Variants in SPAG9 observed in about 807,000 individuals in gnomAD.
SPAG9 encodes the protein C-Jun-amino-terminal kinase-interacting protein 4.
SPAG9 carries 35 observed loss-of-function variants against 166.5 expected under a neutral mutation model. The observed-to-expected ratio is 0.21, with a 90% CI of 0.16 to 0.28. SPAG9 has a LOEUF of 0.28. Ranked by LOEUF, SPAG9 falls within the 10% of genes least tolerant of loss-of-function variation. The pLI is 1.00. For missense variants in SPAG9, 1,235 were observed against 1,603.3 expected (o/e 0.77, Z 3.92); for synonymous variants, 534 against 565.5 (o/e 0.94, Z 0.79).
intron 4 of SPAG9, among the ~76,000 whole-genome samples, chr17:51,045,943 T>C (rs1181895823): frequency 6.6e-6 from 1 of 152,232 alleles, no homozygotes; most frequent in Non-Finnish European, 1.5e-5. Context: ...GAAAAAGGCA[T>C]TCCTTAACCT....
intron 6 of SPAG9, 99 bp downstream of exon 6, chr17:51,031,582 C>G: frequency 1.2e-6 from 1 of 861,936 alleles, no homozygotes; most frequent in Non-Finnish European, 1.9e-6. Context: ...GTCTTCCAAG[C>G]TGAGCATCTG....
At chr17:51,013,974 C>T (rs1268858610) in intron 9 of SPAG9, among the ~76,000 whole-genome samples, 1 of 152,008 alleles carries the variant, frequency 6.6e-6, no homozygotes, top group Non-Finnish European at 1.5e-5. Context: ...TGAAATATAG[C>T]AGGAGTTCAA....
At chr17:51,101,174 C>T (rs1181653919) in intron 1 of SPAG9, among the ~76,000 whole-genome samples, 1 of 151,408 alleles carries the variant, frequency 6.6e-6, no homozygotes, top group African/African-American at 2.4e-5. Context: ...GGTGAAACAC[C>T]GTCTCTACTA....
At chr17:50,990,137 C>T in intron 20 of SPAG9, 1 of 527,672 alleles carries the variant, frequency 1.9e-6, no homozygotes, top group East Asian at 3.5e-5. Context: ...ACGCCATTCT[C>T]CTGCCTCAGC....
intron 16 of SPAG9, 104 bp from the exon 17 acceptor site, chr17:50,995,637 TA>T: frequency 1.4e-6 from 1 of 733,438 alleles, no homozygotes; most frequent in Non-Finnish European, 2.4e-6. Flanking sequence ...TGCTGTTATT[TA>T]CTCCTTGAAA....
rs1332824228 is a variant in SPAG9 at position 51,092,735 on chromosome 17, G to A, written c.304-13031C>T. On this transcript the variant is annotated intron_variant, in intron 1 of 29. Coordinates refer to ENST00000262013, the MANE Select transcript of SPAG9 (RefSeq NM_001130528.3). ...TTGAGAACAGCCTGGGGAACATAGA[G>A]AGACCCTTGTCTCTACAAAAAAAAA... is the stretch of plus-strand genomic sequence containing the variant. 3.6e-5 allele frequency among the ~76,000 whole-genome samples: 5 copies of A among 139,340 alleles called. No individual in the cohort carries two copies. The Admixed American group carries it at 3.8e-4, about 10-fold the overall frequency. 91.4% of individuals were successfully genotyped at this position (139,340 alleles called of 152,430 possible). A position where few individuals can be genotyped will look rare whatever the true frequency, so the allele number is the denominator to read the frequency against.
intron 29 of SPAG9, among the ~76,000 whole-genome samples, chr17:50,968,105 G>A (rs771762703): frequency 2.6e-5 from 4 of 152,124 alleles, no homozygotes; most frequent in Non-Finnish European, 4.4e-5. Flanking sequence ...TCATAAAAGG[G>A]AATTCAACAA....
intron 2 of SPAG9, among the ~76,000 whole-genome samples, chr17:51,073,974 C>T (rs572576217): frequency 3.6e-4 from 55 of 152,254 alleles, no homozygotes; most frequent in South Asian, 1.2e-3. Flanking sequence ...TGGTGGCTCA[C>T]GCCTGTAATC....
At chr17:51,114,377 A>T (rs1451453968) in intron 1 of SPAG9, among the ~76,000 whole-genome samples, 5 of 152,092 alleles carry the variant, frequency 3.3e-5, no homozygotes, top group Non-Finnish European at 5.9e-5. Context: ...CATGCCTGTA[A>T]TCCCAACACT....
intron 1 of SPAG9, among the ~76,000 whole-genome samples, chr17:51,089,620 T>A (rs60878676): frequency 8.2e-4 from 33 of 40,470 alleles, no homozygotes; most frequent in Non-Finnish European, 1.0e-3. Flanking sequence ...ACACTTTATT[T>A]TATATATATA....
At chr17:51,044,906 T>G (rs1253772229) in intron 4 of SPAG9, among the ~76,000 whole-genome samples, 1 of 152,210 alleles carries the variant, frequency 6.6e-6, no homozygotes, top group African/African-American at 2.4e-5. Flanking sequence ...GGTAAAGAAC[T>G]TTAAAATTTT....
At chr17:51,113,886 T>A (rs1325163833) in intron 1 of SPAG9, among the ~76,000 whole-genome samples, 1 of 151,796 alleles carries the variant, frequency 6.6e-6, no homozygotes, top group African/African-American at 2.4e-5. Context: ...TCCCAGCTAT[T>A]CCGGAAGTTG....
chr17:51,119,899 C>G (rs2049421569), intron 1 of SPAG9, among the ~76,000 whole-genome samples: 1 of 152,152 alleles, frequency 6.6e-6, no homozygotes, highest in African/African-American at 2.4e-5. Flanking sequence ...TCTAACTTCC[C>G]AAAGCAAGGC....
rs1239494388 is a variant in SPAG9, at chr17:51,077,088, AGC to A, written c.424+2494_424+2495del. Among the ~76,000 whole-genome samples, 6 of 104,432 alleles carry A rather than the reference AGC, an allele frequency of 5.7e-5. No homozygotes were observed. In the East Asian group the frequency reaches 7.1e-4, roughly 12 times the overall value. The allele number at this position is 104,432 out of a possible 152,430, so 68.5% of individuals were successfully genotyped here. A position where few individuals can be genotyped will look rare whatever the true frequency, so the allele number is the denominator to read the frequency against. On this transcript the variant is annotated intron_variant, in intron 2 of 29. Transcript: ENST00000262013. The stretch of plus-strand genomic sequence containing the variant: ...TAGCTAGCTATCTAGCTATCTAGCT[AGC>A]TATCTATCTAGCTAGCTATCTAGCT...
chr17:51,086,466 C>T (rs2048309867), intron 1 of SPAG9, among the ~76,000 whole-genome samples: 1 of 150,786 alleles, frequency 6.6e-6, no homozygotes, highest in South Asian at 2.1e-4. Context: ...CATGGTGAGA[C>T]CCCATCTCTA....
At chr17:50,968,168 G>C (rs1973501669) in intron 29 of SPAG9, among the ~76,000 whole-genome samples, 1 of 152,084 alleles carries the variant, frequency 6.6e-6, no homozygotes, top group African/African-American at 2.4e-5. Context: ...TGACATCCCT[G>C]GAATCAATTT....
At chr17:51,012,379 G>C (rs2045521870) in intron 9 of SPAG9, among the ~76,000 whole-genome samples, 1 of 152,016 alleles carries the variant, frequency 6.6e-6, no homozygotes, top group Non-Finnish European at 1.5e-5. Context: ...AGACCAGCCT[G>C]GCCAGTATAG....
rs149750711 is a variant in SPAG9, at chr17:51,037,485, C to T, written c.741+4016G>A. Among the ~76,000 whole-genome samples the T allele has an allele frequency of 1.5e-3, 228 of 150,922 alleles. 1 individual carries two copies. The highest frequency in any genetic ancestry group is 2.8e-3 in the Non-Finnish European group (192 of 67,654). ...AAAATTAGCCAGGCACGGTGGTGGA[C>T]GTCTGTAATCCCAGCTACTTGGAAG... On this transcript the variant is annotated intron_variant, in intron 5 of 29. Transcript: ENST00000262013.
chr17:51,064,650 A>G (rs2047610245), intron 2 of SPAG9, among the ~76,000 whole-genome samples: 1 of 152,236 alleles, frequency 6.6e-6, no homozygotes, highest in Non-Finnish European at 1.5e-5. Flanking sequence ...GCAAATCTAT[A>G]GAGACAAAAA....
Sources: allele counts gnomAD v4.1 joint callset (sites outside exome capture counted in the v4.1 genomes callset), GRCh38; gene constraint gnomAD v4.1.1; transcripts MANE v1.5; gene names NCBI Gene and HGNC (gene_info 2026-07-23, HGNC 2026-07-21).